Variants in KIF13A observed in about 807,000 individuals in gnomAD.
The protein encoded by KIF13A is kinesin-like protein KIF13A.
KIF13A carries 79 observed loss-of-function variants against 212.2 expected under a neutral mutation model. The ratio of observed to expected loss-of-function variants is 0.37; its 90% confidence interval spans 0.31 to 0.45. The LOEUF is 0.45. Ranked by LOEUF, KIF13A falls within the 20% of genes least tolerant of loss-of-function variation. KIF13A has a pLI of 1.00. For synonymous variants in KIF13A, 789 were observed against 808.6 expected, an observed-to-expected ratio of 0.98 and a Z score of 0.41; for missense variants, 1,901 against 2,209.0, an observed-to-expected ratio of 0.86 and a Z score of 2.79.
At chr6:17,762,947 G>GT (rs1315643479), downstream of KIF13A, among the ~76,000 whole-genome samples, 2 of 152,190 alleles carry the variant, frequency 1.3e-5, no homozygotes, top group South Asian at 2.1e-4. Context: ...AAGGGATAGA[G>GT]TAGCAGCATG....
chr6:17,803,511 C>G (rs745900822), intron 20 of KIF13A, among the ~76,000 whole-genome samples: 2 of 152,182 alleles, frequency 1.3e-5, no homozygotes, highest in Non-Finnish European at 2.9e-5. Flanking sequence ...AAGAAATAAC[C>G]TGGTAGTTCA....
At chr6:17,767,458 T>C (rs2150286444) in intron 38 of KIF13A, among the ~76,000 whole-genome samples, 1 of 152,192 alleles carries the variant, frequency 6.6e-6, no homozygotes, top group Middle Eastern at 3.4e-3. Flanking sequence ...TTTCACCATG[T>C]TGGCCAGGCT....
Position 17,987,611 on chromosome 6 carries a change from G to T in KIF13A, c.-148C>A. On this transcript the variant is annotated 5_prime_UTR_variant, in exon 1 of 39. Coordinates refer to ENST00000259711, the MANE Select transcript of KIF13A (RefSeq NM_022113.6). The surrounding 1 kb of genome is among the most constrained non-coding windows in gnomAD (Gnocchi z 7.7). ...GCTCCGAGAGGCAGCGCCGAGGCGC[G>T]CGGGCCATCCCGGGGGAGCGCGACG... 1.2e-5 allele frequency: 3 copies of T among 256,060 alleles called. No individual in the cohort carries two copies. The highest frequency in any genetic ancestry group is 1.8e-5 in the Non-Finnish European group (3 of 166,728). The allele number at this position is 256,060 out of a possible 1,614,324, so 15.9% of individuals were successfully genotyped here.
chr6:17,977,182 CAT>C, intron 2 of KIF13A, among the ~76,000 whole-genome samples: 1 of 147,864 alleles, frequency 6.8e-6, no homozygotes, highest in African/African-American at 2.5e-5. Flanking sequence ...CAAATCAGAA[CAT>C]GTCAGGGTGG....
chr6:17,869,019 A>AAAAAAAAAAAAAAAAAG (rs1554187445), intron 4 of KIF13A, among the ~76,000 whole-genome samples: 1 of 126,514 alleles, frequency 7.9e-6, no homozygotes, highest in African/African-American at 2.9e-5. Flanking sequence ...AAAAAAAAAA[A>AAAAAAAAAAAAAAAAAG]ACACAAATAA....
chr6:17,764,903 T>C lies in KIF13A; in HGVS notation c.4625A>G (p.Lys1542Arg), dbSNP rs1044961267. 2.5e-6 allele frequency: 4 copies of C among 1,613,496 alleles called. No homozygotes were observed. Among genetic ancestry groups the C allele is most frequent in the African/African-American group, 2.7e-5 (2 of 75,064 alleles). Residue 1542 changes from lysine to arginine, a missense_variant, in exon 39 of 39, where the codon AAG (lysine) becomes AGG (arginine). Coordinates refer to ENST00000259711, the MANE Select transcript of KIF13A (RefSeq NM_022113.6). This position sits in a 1 kb window ranked among gnomAD's most constrained non-coding sequence, Gnocchi z 5.1. ...TACATAAGGCTGTGAACTTATTAGC[T>C]TCCTGTTAATAGCTTCCAGCTCATT... ...EENELEAINR[K>R]LISSQPYVPV...
At chr6:17,877,672 T>C (rs1356242539) in intron 3 of KIF13A, among the ~76,000 whole-genome samples, 1 of 152,188 alleles carries the variant, frequency 6.6e-6, no homozygotes, top group Admixed American at 6.5e-5. Context: ...CTTTTCTTTT[T>C]GTTTTTTTTG....
chr6:17,957,711 T>C (rs1303821773), intron 2 of KIF13A, among the ~76,000 whole-genome samples: 1 of 152,198 alleles, frequency 6.6e-6, no homozygotes, highest in Non-Finnish European at 1.5e-5. Flanking sequence ...TGGTGTTCAC[T>C]GCTTGTTGGT....
At chr6:17,800,920 G>A (rs1762422562) in intron 20 of KIF13A, among the ~76,000 whole-genome samples, 1 of 151,350 alleles carries the variant, frequency 6.6e-6, no homozygotes, top group African/African-American at 2.4e-5. Flanking sequence ...TTTTAGTAAA[G>A]ACGGGCTTTC....
chr6:17,881,036 C>T (rs966106872), intron 3 of KIF13A, among the ~76,000 whole-genome samples: 11 of 152,120 alleles, frequency 7.2e-5, no homozygotes, highest in African/African-American at 1.7e-4. Flanking sequence ...AGCTTTTCAA[C>T]GGAAAAAACA....
chr6:17,781,473 C>CT (rs942520099), intron 29 of KIF13A, among the ~76,000 whole-genome samples, 172 bp from the exon 30 acceptor site: 20 of 152,016 alleles, frequency 1.3e-4, no homozygotes, highest in African/African-American at 4.3e-4. Flanking sequence ...CTCACAACAG[C>CT]TTTTTTTCTT....
intron 18 of KIF13A, among the ~76,000 whole-genome samples, chr6:17,806,050 G>T (rs893433688): frequency 6.6e-6 from 1 of 151,734 alleles, no homozygotes; most frequent in African/African-American, 2.4e-5. Flanking sequence ...CTCCCAAGTA[G>T]CTGGGACTAT....
intron 16 of KIF13A, chr6:17,821,802 G>A: frequency 6.5e-7 from 1 of 1,535,378 alleles, no homozygotes; most frequent in African/African-American, 1.4e-5. Context: ...CCCAGTGTTT[G>A]TGGAGGAGCT....
At chr6:17,814,473 T>C (rs1468319012) in intron 17 of KIF13A, among the ~76,000 whole-genome samples, 3 of 151,890 alleles carry the variant, frequency 2.0e-5, no homozygotes, top group Non-Finnish European at 4.4e-5. Flanking sequence ...GGTCTTGAAC[T>C]CCTGACCTCA....
Position 17,900,436 on chromosome 6 carries a change from A to G in KIF13A, c.147-2256T>C, listed in dbSNP as rs1009717097. Among the ~76,000 whole-genome samples, 1 of 152,240 alleles carries G rather than the reference A, an allele frequency of 6.6e-6. No homozygotes were observed. The highest frequency in any genetic ancestry group is 1.5e-5 in the Non-Finnish European group (1 of 68,046). The stretch of plus-strand genomic sequence containing the variant: ...AGCACTTTAAAAGTCTTTCTCACTT[A>G]GAAGATAGCCCATAACATGGGAATA... On this transcript the variant is annotated intron_variant, in intron 2 of 38. Coordinates refer to ENST00000259711, the MANE Select transcript of KIF13A (RefSeq NM_022113.6). This position sits in a 1 kb window ranked among gnomAD's most constrained non-coding sequence, Gnocchi z 4.6.
At chr6:17,864,781 T>C (rs1401205604) in intron 4 of KIF13A, among the ~76,000 whole-genome samples, 1 of 152,216 alleles carries the variant, frequency 6.6e-6, no homozygotes, top group Admixed American at 6.5e-5. Context: ...ATAGTCATTG[T>C]ACCCAGCCTG....
rs1772121718 is a variant in KIF13A, at chr6:17,892,159, T to C, written c.159+6009A>G. 6.6e-6 allele frequency among the ~76,000 whole-genome samples: 1 copy of C among 152,226 alleles called. No homozygotes were observed. The highest frequency in any genetic ancestry group is 2.1e-4 in the South Asian group (1 of 4,832). ...TGAACCAAACTAGCTCTTCCTTCTT[T>C]AGTTTATGTTGATTTGATTTTTCAT... On this transcript the variant is annotated intron_variant, in intron 3 of 38. Transcript: ENST00000259711. This position sits in a 1 kb window ranked among gnomAD's most constrained non-coding sequence, Gnocchi z 4.7.
chr6:17,899,615 T>C lies in KIF13A; in HGVS notation c.147-1435A>G, dbSNP rs1230890515. 6.6e-6 allele frequency among the ~76,000 whole-genome samples: 1 copy of C among 152,200 alleles called. No individual in the cohort carries two copies. Among genetic ancestry groups the C allele is most frequent in the Non-Finnish European group, 1.5e-5 (1 of 68,038 alleles). ...CTATAATGATGAAGTTGAAACACCATTTTCTTGAAATTCCACGAATTAGTT... is the reference window on the plus strand; with the variant it reads ...CTATAATGATGAAGTTGAAACACCACTTTCTTGAAATTCCACGAATTAGTT... On this transcript the variant is annotated intron_variant, in intron 2 of 38. Coordinates refer to ENST00000259711, the MANE Select transcript of KIF13A (RefSeq NM_022113.6). This position sits in a 1 kb window ranked among gnomAD's most constrained non-coding sequence, Gnocchi z 5.2.
chr6:17,936,707 A>C (rs1776499612), intron 2 of KIF13A, among the ~76,000 whole-genome samples: 2 of 152,240 alleles, frequency 1.3e-5, no homozygotes, highest in Admixed American at 1.3e-4. Flanking sequence ...AAACATCATA[A>C]AAGTCAGTAA....
Sources: gnomAD v4.1 joint callset for allele counts (sites outside exome capture counted in the v4.1 genomes callset) on GRCh38, gnomAD v4.1.1 for gene constraint, Gnocchi (gnomAD v3.1) non-coding constraint, MANE v1.5 for transcripts, NCBI Gene and HGNC (gene_info 2026-07-23, HGNC 2026-07-21) for gene names.